Variants in SNTG1 observed in about 807,000 individuals in gnomAD.
The protein encoded by SNTG1 is syntrophin gamma 1.
In SNTG1, 39 loss-of-function variants were observed where a neutral mutation model predicts 74.7. That is an observed-to-expected ratio of 0.52 (90% confidence interval 0.40 to 0.68). SNTG1 has a LOEUF of 0.68. SNTG1 is among the 30% of genes least tolerant of loss of function. The pLI, the probability that SNTG1 is intolerant of heterozygous loss-of-function variation, is 0.00. For missense variants in SNTG1, 685 were observed against 609.5 expected, an observed-to-expected ratio of 1.12 and a Z score of -1.30; for synonymous variants, 254 against 217.1, an observed-to-expected ratio of 1.17 and a Z score of -1.49.
At chr8:50,014,204 A>G (rs1326695277) in intron 1 of SNTG1, among the ~76,000 whole-genome samples, 1 of 152,114 alleles carries the variant, frequency 6.6e-6, no homozygotes, top group African/African-American at 2.4e-5. Context: ...GAGCTTCACT[A>G]AAAATACTAT....
rs551221699 is a variant in SNTG1, at chr8:50,379,794, G to A, written c.-27-14418G>A. Among the ~76,000 whole-genome samples, 188 of 152,336 alleles carry A rather than the reference G, an allele frequency of 1.2e-3. 3 individuals are homozygous for A. In the South Asian group the frequency reaches 0.037, roughly 30 times the overall value. ...AGAGCAACTTCGGAAAATGCCTGGC[G>A]GCCATCCCTGTTCTCCAGCATGTGT... On this transcript the variant is annotated intron_variant, in intron 2 of 18. Coordinates refer to ENST00000642720, the MANE Select transcript of SNTG1 (RefSeq NM_018967.5).
chr8:50,688,036 T>C lies in SNTG1; in HGVS notation c.1039-16564T>C, dbSNP rs184723210. Reference sequence around the variant, plus strand: ...GATGAGCATTTTTTCATGCGTTTTTTGGCTGCATAAATGTCTTCTTTTGGG... The same window carrying C: ...GATGAGCATTTTTTCATGCGTTTTTCGGCTGCATAAATGTCTTCTTTTGGG... On this transcript the variant is annotated intron_variant, in intron 15 of 18. Transcript: ENST00000642720. Among the ~76,000 whole-genome samples, 709 of 152,326 alleles carry C rather than the reference T, an allele frequency of 4.7e-3. 5 individuals carry two copies. The highest frequency in any genetic ancestry group is 0.02 in the Middle Eastern group (6 of 294).
In SNTG1 at chr8:50,530,177, G is replaced by T. The variant is rs1162600367; in HGVS notation, c.467G>T (p.Cys156Phe). The T allele has an allele frequency of 6.2e-7, 1 of 1,613,554 alleles. No homozygotes were observed. Among genetic ancestry groups the T allele is most frequent in the Non-Finnish European group, 8.5e-7 (1 of 1,179,640 alleles). ...AATGTTATGATTTTGTCTCCTGCAG[G>T]TGCTCCAAGTGACCAGAGCAGTGGC... ...LKLPLNEDCA[C>F]APSDQSSGTS... Residue 156 changes from cysteine to phenylalanine, a missense_variant and splice_region_variant, in exon 10 of 19, where the codon TGT (cysteine) becomes TTT (phenylalanine). Physicochemically the swap from Cys to Phe is radical, Grantham distance 205. Coordinates refer to ENST00000642720, the MANE Select transcript of SNTG1 (RefSeq NM_018967.5).
At chr8:50,446,537 G>A (rs927139606) in intron 5 of SNTG1, among the ~76,000 whole-genome samples, 20 of 151,966 alleles carry the variant, frequency 1.3e-4, no homozygotes, top group Admixed American at 1.2e-3. Flanking sequence ...AAATTAGCTG[G>A]GCATGATGGT....
intron 8 of SNTG1, among the ~76,000 whole-genome samples, chr8:50,489,287 A>G (rs1217404200): frequency 6.6e-6 from 1 of 152,190 alleles, no homozygotes; most frequent in Admixed American, 6.5e-5. Context: ...TTGGTTATAT[A>G]CCCAGTAATG....
intron 2 of SNTG1, among the ~76,000 whole-genome samples, chr8:50,367,689 C>A (rs1317336376): frequency 1.2e-4 from 18 of 152,050 alleles, no homozygotes; most frequent in Admixed American, 1.2e-3. Flanking sequence ...GATATAATAT[C>A]TAGTAATTAC....
intron 13 of SNTG1, among the ~76,000 whole-genome samples, chr8:50,631,708 A>G (rs904916316): frequency 6.6e-6 from 1 of 152,200 alleles, no homozygotes; most frequent in Admixed American, 6.5e-5. Flanking sequence ...TTAATTGACC[A>G]TATTGTGTAA....
intron 9 of SNTG1, among the ~76,000 whole-genome samples, chr8:50,519,822 A>G (rs1282086018): frequency 6.6e-6 from 1 of 152,192 alleles, no homozygotes; most frequent in African/African-American, 2.4e-5. Flanking sequence ...TCAATTTGAA[A>G]AACATTCCAT....
chr8:50,015,472 T>C (rs1199466523), intron 1 of SNTG1, among the ~76,000 whole-genome samples: 1 of 151,762 alleles, frequency 6.6e-6, no homozygotes, highest in East Asian at 1.9e-4. Flanking sequence ...AACAGACAAA[T>C]TATTTGAGGA....
chr8:50,604,489 C>G (rs79848595), intron 13 of SNTG1, among the ~76,000 whole-genome samples: 4,762 of 152,148 alleles, frequency 0.031, 117 homozygotes, highest in African/African-American at 0.055. Flanking sequence ...TAAGATGGAC[C>G]TCAAACTACA....
intron 15 of SNTG1, among the ~76,000 whole-genome samples, chr8:50,700,487 A>G (rs2095419721): frequency 6.6e-6 from 1 of 151,816 alleles, no homozygotes. Context: ...CCACCCATCC[A>G]CTCTTAGCCA....
intron 9 of SNTG1, among the ~76,000 whole-genome samples, chr8:50,515,363 G>T (rs1464682956): frequency 6.7e-6 from 1 of 149,588 alleles, no homozygotes; most frequent in Non-Finnish European, 1.5e-5. Context: ...AGCCATTTGG[G>T]CAGACAACAA....
At chr8:49,912,400 TA>T (rs1330392576) in intron 1 of SNTG1, among the ~76,000 whole-genome samples, 169 bp downstream of exon 1, 4 of 152,240 alleles carry the variant, frequency 2.6e-5, no homozygotes, top group Non-Finnish European at 4.4e-5. Context: ...AGAATCAAAA[TA>T]ACATACATGT....
At chr8:50,703,796 G>T (rs1359234306) in intron 15 of SNTG1, among the ~76,000 whole-genome samples, 1 of 152,082 alleles carries the variant, frequency 6.6e-6, no homozygotes, top group Non-Finnish European at 1.5e-5. Flanking sequence ...GACATTGCTA[G>T]GGGATAGGAA....
rs147507900 is a variant in SNTG1 at position 50,256,935 on chromosome 8, C to T, written c.-28+84300C>T. Among the ~76,000 whole-genome samples the T allele has an allele frequency of 3.9e-3, 600 of 152,242 alleles. 7 individuals carry two copies. Among genetic ancestry groups the T allele is most frequent in the African/African-American group, 0.013 (544 of 41,550 alleles). ...GACATTTGAGCCAGCTGCCTGCTAC[C>T]ACCTCTGTGTTCAGTTCCATGTGAT... On this transcript the variant is annotated intron_variant, in intron 2 of 18. Coordinates refer to ENST00000642720, the MANE Select transcript of SNTG1 (RefSeq NM_018967.5).
At chr8:50,218,939 T>C (rs1173195221) in intron 2 of SNTG1, among the ~76,000 whole-genome samples, 1 of 152,166 alleles carries the variant, frequency 6.6e-6, no homozygotes, top group Non-Finnish European at 1.5e-5. Context: ...CCCAAGTATC[T>C]GCATTTAAAT....
intron 2 of SNTG1, among the ~76,000 whole-genome samples, chr8:50,291,547 A>G (rs1232463356): frequency 6.6e-6 from 1 of 152,188 alleles, no homozygotes; most frequent in East Asian, 1.9e-4. Flanking sequence ...AAATGACCTC[A>G]GGAAAGTTGC....
chr8:50,059,217 AT>A (rs1224976807), intron 1 of SNTG1, among the ~76,000 whole-genome samples: 3 of 152,160 alleles, frequency 2.0e-5, no homozygotes, highest in East Asian at 3.9e-4. Context: ...ATGCATTTCA[AT>A]TTTTTATATA....
chr8:50,376,752 T>TAGAGAGAGAGAGAGAGAG (rs1209571081), intron 2 of SNTG1, among the ~76,000 whole-genome samples: 2 of 100,804 alleles, frequency 2.0e-5, no homozygotes, highest in Non-Finnish European at 2.2e-5. Context: ...TATATATATA[T>TAGAGAGAGAGAGAGAGAG]ATATAGAGAG....
Sources: allele counts gnomAD v4.1 joint callset (sites outside exome capture counted in the v4.1 genomes callset), GRCh38; gene constraint gnomAD v4.1.1; transcripts MANE v1.5; gene names NCBI Gene and HGNC (gene_info 2026-07-23, HGNC 2026-07-21).